Variants in MYO5A observed in about 807,000 individuals in gnomAD.
MYO5A encodes myosin VA.
Under a neutral mutation model 249.7 loss-of-function variants are expected in MYO5A, and 98 were observed. That is an observed-to-expected ratio of 0.39 (90% confidence interval 0.33 to 0.46). The LOEUF (loss-of-function observed/expected upper bound fraction) is 0.46, where lower values mean the gene tolerates loss of function less well. MYO5A is among the 20% of genes least tolerant of loss of function. The probability of loss-of-function intolerance (pLI) is 0.98; values close to 1 mark genes in which losing one functional copy is unlikely to be tolerated. For synonymous variants in MYO5A, 778 were observed against 810.6 expected, an observed-to-expected ratio of 0.96 and a Z score of 0.68; for missense variants, 1,696 against 2,308.8, an observed-to-expected ratio of 0.73 and a Z score of 5.44.
At chr15:52,510,557 C>A (rs1419259074) in intron 1 of MYO5A, among the ~76,000 whole-genome samples, 1 of 152,200 alleles carries the variant, frequency 6.6e-6, no homozygotes, top group Non-Finnish European at 1.5e-5. Context: ...AGCAATACCA[C>A]CTGAGCTCCG....
At chr15:52,431,757 G>A (rs1206747369) in intron 2 of MYO5A, among the ~76,000 whole-genome samples, 1 of 150,998 alleles carries the variant, frequency 6.6e-6, no homozygotes, top group Admixed American at 6.6e-5. Context: ...AGACCGAGGT[G>A]GGAGGACTGC....
intron 1 of MYO5A, among the ~76,000 whole-genome samples, chr15:52,451,998 T>C (rs1381541676): frequency 1.3e-5 from 2 of 152,180 alleles, no homozygotes; most frequent in Non-Finnish European, 2.9e-5. Flanking sequence ...GTATATTTCA[T>C]TAAATCTAAG....
chr15:52,330,621 A>C lies in MYO5A; in HGVS notation c.4409-122T>G, dbSNP rs557353102. ...CCGAAACTTGCCATATTTGCCACTT[A>C]ATTGCCTTCTCTTAAAATAATTTTT... On this transcript the variant is annotated intron_variant, in intron 34 of 41. Transcript: ENST00000399233. The C allele has an allele frequency of 1.1e-5, 12 of 1,138,358 alleles. No homozygotes were observed. The East Asian group carries it at 3.0e-4, about 28-fold the overall frequency. The allele number at this position is 1,138,358 out of a possible 1,614,324, so 70.5% of individuals were successfully genotyped here.
chr15:52,512,069 A>G (rs1326071781), intron 1 of MYO5A, among the ~76,000 whole-genome samples: 1 of 151,718 alleles, frequency 6.6e-6, no homozygotes, highest in Admixed American at 6.6e-5. Flanking sequence ...AGGCTGAGGC[A>G]GGAGAATGGC....
At chr15:52,414,056 A>C (rs2043365041) in intron 5 of MYO5A, among the ~76,000 whole-genome samples, 1 of 152,126 alleles carries the variant, frequency 6.6e-6, no homozygotes, top group Non-Finnish European at 1.5e-5. Context: ...GGTCATGGGG[A>C]CAAATCTATA....
At chr15:52,475,712 T>C (rs1489878350) in intron 1 of MYO5A, among the ~76,000 whole-genome samples, 4 of 152,238 alleles carry the variant, frequency 2.6e-5, no homozygotes. Flanking sequence ...GTGAGTTTCT[T>C]AATCCTGAGT....
intron 15 of MYO5A, among the ~76,000 whole-genome samples, chr15:52,383,693 G>GGCACAGGGTCCCAT (rs1450713420): frequency 6.6e-6 from 1 of 152,132 alleles, no homozygotes; most frequent in Non-Finnish European, 1.5e-5. Flanking sequence ...GTCTACACCA[G>GGCACAGGGTCCCAT]GCACAGGGTC....
chr15:52,485,389 T>C (rs756985519), intron 1 of MYO5A, among the ~76,000 whole-genome samples: 26 of 152,100 alleles, frequency 1.7e-4, no homozygotes, highest in Non-Finnish European at 2.5e-4. Flanking sequence ...AGGGGACAAT[T>C]AGAATCCTAG....
At chr15:52,463,298 T>C (rs1018733364) in intron 1 of MYO5A, among the ~76,000 whole-genome samples, 3 of 152,200 alleles carry the variant, frequency 2.0e-5, no homozygotes, top group African/African-American at 4.8e-5. Context: ...TCTCTAGAAA[T>C]AAGAATTTCA....
At position 52,376,529 on chromosome 15, in the gene MYO5A, T is replaced by C; in HGVS notation, c.2238A>G (p.Thr746=). The C allele has an allele frequency of 6.2e-7, 1 of 1,614,220 alleles. No homozygotes were observed. The highest frequency in any genetic ancestry group is 1.3e-5 in the African/African-American group (1 of 75,070). ...CTTGACCGGCACGGAAAAAGATCTT[T>C]GTCTTACCAAACTGGTATTTGTCCT... ...LDKDKYQFGK[T]KIFFRAGQVA... The change falls in exon 19 of 42, where the codon ACA becomes ACG. Residue 746 remains threonine (T), a synonymous_variant. Transcript: ENST00000399233.
chr15:52,327,665 G>C (rs1347564082), intron 36 of MYO5A, among the ~76,000 whole-genome samples, 187 bp downstream of exon 36: 1 of 152,172 alleles, frequency 6.6e-6, no homozygotes, highest in Non-Finnish European at 1.5e-5. Context: ...AGCTGAGATT[G>C]CACTACTGTA....
intron 1 of MYO5A, among the ~76,000 whole-genome samples, chr15:52,443,556 C>T (rs2075826997): frequency 6.6e-6 from 1 of 150,594 alleles, no homozygotes; most frequent in Non-Finnish European, 1.5e-5. Context: ...ACTAAAAACA[C>T]AAAAATTAGC....
At chr15:52,486,588 C>T (rs779375803) in intron 1 of MYO5A, among the ~76,000 whole-genome samples, 3 of 152,062 alleles carry the variant, frequency 2.0e-5, no homozygotes, top group Non-Finnish European at 4.4e-5. Flanking sequence ...CAGTTGAAAA[C>T]AAGAGACTCT....
At chr15:52,454,525 C>T (rs72738509) in intron 1 of MYO5A, among the ~76,000 whole-genome samples, 9,962 of 152,174 alleles carry the variant, frequency 0.065, 450 homozygotes, top group Non-Finnish European at 0.093. Flanking sequence ...ATTTACAGAA[C>T]ATTTCACCCA....
chr15:52,456,481 G>C (rs1351722731), intron 1 of MYO5A, among the ~76,000 whole-genome samples: 2 of 151,606 alleles, frequency 1.3e-5, no homozygotes, highest in East Asian at 3.9e-4. Flanking sequence ...AATTTATATG[G>C]AACCAGAAAA....
chr15:52,333,322 T>C (rs187665355), intron 34 of MYO5A, among the ~76,000 whole-genome samples: 6 of 152,158 alleles, frequency 3.9e-5, no homozygotes, highest in Non-Finnish European at 8.8e-5. Flanking sequence ...GGAAAGAAAA[T>C]TGGAAAGTTT....
At chr15:52,335,516 CAAAAA>C (rs397854139) in intron 34 of MYO5A, among the ~76,000 whole-genome samples, 6,178 of 64,254 alleles carry the variant, frequency 0.096, 459 homozygotes, top group African/African-American at 0.27. Context: ...ACTCTGTCTC[CAAAAA>C]AAAAAAAAAA....
At chr15:52,445,409 C>T (rs1471274900) in intron 1 of MYO5A, among the ~76,000 whole-genome samples, 1 of 152,040 alleles carries the variant, frequency 6.6e-6, no homozygotes, top group Non-Finnish European at 1.5e-5. Context: ...CCAATTAAAC[C>T]CCTTTTCTTA....
intron 18 of MYO5A, among the ~76,000 whole-genome samples, chr15:52,376,797 T>C (rs566356865): frequency 3.3e-4 from 50 of 152,314 alleles, no homozygotes; most frequent in African/African-American, 1.2e-3. Flanking sequence ...CCTGGAATTA[T>C]TATCTGAGGC....
Sources: allele counts gnomAD v4.1 joint callset (sites outside exome capture counted in the v4.1 genomes callset), GRCh38; gene constraint gnomAD v4.1.1; transcripts MANE v1.5; gene names NCBI Gene and HGNC (gene_info 2026-07-23, HGNC 2026-07-21).